Variants in PPM1A observed in about 807,000 individuals in gnomAD.
PPM1A encodes protein phosphatase, Mg2+/Mn2+ dependent 1A.
PPM1A carries 7 observed loss-of-function variants against 35.0 expected under a neutral mutation model. The ratio of observed to expected loss-of-function variants is 0.20; its 90% CI spans 0.11 to 0.38. The LOEUF is 0.38. Among genes scored for constraint, PPM1A ranks in the 10% least tolerant of loss-of-function variants. The pLI is 1.00. For synonymous variants in PPM1A, 153 were observed against 167.3 expected (o/e 0.91, Z 0.66); for missense variants, 239 against 467.8 (o/e 0.51, Z 4.51).
At chr14:60,262,991 C>T (rs1014735157) in intron 1 of PPM1A, among the ~76,000 whole-genome samples, 4 of 152,108 alleles carry the variant, frequency 2.6e-5, no homozygotes, top group Non-Finnish European at 5.9e-5. Flanking sequence ...CTTTGGGAGG[C>T]TTAGGTGGGC....
Position 60,283,562 on chromosome 14 carries a change from T to G in PPM1A, c.834+25T>G. On this transcript the variant is annotated intron_variant, in intron 2 of 5. Coordinates refer to ENST00000395076, the MANE Select transcript of PPM1A (RefSeq NM_021003.5). This position sits in a 1 kb window ranked among gnomAD's most constrained non-coding sequence, Gnocchi z 6.3. Reference sequence around the variant, plus strand: ...GGTAGCTAGACTTTTTTTAAAAACATAAAATGATTTTATGCCATATTAATC... The same window carrying G: ...GGTAGCTAGACTTTTTTTAAAAACAGAAAATGATTTTATGCCATATTAATC... 1 of 1,573,168 alleles carries G rather than the reference T, an allele frequency of 6.4e-7. No individual in the cohort carries two copies. Among genetic ancestry groups the G allele is most frequent in the Non-Finnish European group, 8.6e-7 (1 of 1,164,900 alleles).
rs757431979 is a variant in PPM1A, at chr14:60,256,349, C to T, written c.-21+6672C>T. Among the ~76,000 whole-genome samples, 8 of 152,280 alleles carry T rather than the reference C, an allele frequency of 5.3e-5. No homozygotes were observed. The South Asian group carries it at 8.3e-4, about 16-fold the overall frequency. The stretch of plus-strand genomic sequence containing the variant: ...CCCAGGAGGCTGAGCAGGGGAATTG[C>T]TTGAACCCGGGAGGCACAGGTTGCA... On this transcript the variant is annotated intron_variant, in intron 1 of 5. Coordinates refer to ENST00000395076, the MANE Select transcript of PPM1A (RefSeq NM_021003.5).
intron 3 of PPM1A, chr14:60,288,336 A>T: frequency 1.0e-5 from 10 of 969,478 alleles, no homozygotes; most frequent in Non-Finnish European, 1.2e-5. Flanking sequence ...ATTTATCATC[A>T]GTGTTTATTT....
chr14:60,268,610 G>A (rs185538678), intron 1 of PPM1A, among the ~76,000 whole-genome samples: 2 of 150,770 alleles, frequency 1.3e-5, no homozygotes, highest in East Asian at 3.9e-4. Flanking sequence ...TTTTTAGGTT[G>A]AATATTTAGT....
In PPM1A at chr14:60,267,829, C is replaced by CAT. The variant is rs546174330; in HGVS notation, c.-20-14850_-20-14849dup. 2.0e-3 allele frequency among the ~76,000 whole-genome samples: 297 copies of CAT among 152,128 alleles called. 1 individual carries two copies. The highest frequency in any genetic ancestry group is 6.6e-3 in the African/African-American group (276 of 41,518). On this transcript the variant is annotated intron_variant, in intron 1 of 5. Coordinates refer to ENST00000395076, the MANE Select transcript of PPM1A (RefSeq NM_021003.5). ...ACAGACTTTTTTCCCTGTGTATGTG[C>CAT]ATATATGTATTCATATTCTCTTGGC...
rs1164314504 is a variant in PPM1A, at chr14:60,293,439, A to G, written c.*957A>G. 1 of 152,044 alleles carries G rather than the reference A, an allele frequency of 6.6e-6. No individual in the cohort carries two copies. Among genetic ancestry groups the G allele is most frequent in the Admixed American group, 6.6e-5 (1 of 15,226 alleles). 9.4% of individuals were successfully genotyped at this position (152,044 alleles called of 1,614,324 possible). A position where few individuals can be genotyped will look rare whatever the true frequency, so the allele number is the denominator to read the frequency against. On this transcript the variant is annotated 3_prime_UTR_variant, in exon 6 of 6. Transcript: ENST00000395076. This position sits in a 1 kb window ranked among gnomAD's most constrained non-coding sequence, Gnocchi z 4.0. ...GTAATGAGACGTTTCTCATAGGGAA[A>G]GATGTTAGTCTCTTTTAATTGGACA...
In PPM1A at chr14:60,284,651, A is replaced by AT. The variant is rs1471887129; in HGVS notation, c.835-973_835-972insT. On this transcript the variant is annotated intron_variant, in intron 2 of 5. Transcript: ENST00000395076. The stretch of plus-strand genomic sequence containing the variant: ...AGCGAGACTCCGTCTCAAAAAAAAA[A>AT]AAAAAGACTGTTGAGGAATTAATGA... Among the ~76,000 whole-genome samples the AT allele has an allele frequency of 2.7e-5, 4 of 150,168 alleles. No individual in the cohort carries two copies. The East Asian group carries it at 5.8e-4, about 22-fold the overall frequency.
chr14:60,255,967 T>A (rs1018385884), intron 1 of PPM1A, among the ~76,000 whole-genome samples: 8 of 152,238 alleles, frequency 5.3e-5, no homozygotes, highest in Non-Finnish European at 1.2e-4. Context: ...AGAGGAATTG[T>A]GGAATCACAG....
At position 60,298,016 on chromosome 14, in the gene PPM1A, A is replaced by G. The variant is rs902957849; in HGVS notation, c.*5534A>G. The G allele has an allele frequency of 9.9e-5, 15 of 151,628 alleles. No homozygotes were observed. Among genetic ancestry groups the G allele is most frequent in the African/African-American group, 3.4e-4 (14 of 41,368 alleles). 9.4% of individuals were successfully genotyped at this position (151,628 alleles called of 1,614,324 possible). On this transcript the variant is annotated 3_prime_UTR_variant, in exon 6 of 6. Coordinates refer to ENST00000395076, the MANE Select transcript of PPM1A (RefSeq NM_021003.5). Reference sequence around the variant, plus strand: ...ATTTTAAGGAATTGTTTCACTCTAGAGGTAGATAGGGGACCTGGCTAGAAT... The same window carrying G: ...ATTTTAAGGAATTGTTTCACTCTAGGGGTAGATAGGGGACCTGGCTAGAAT...
chr14:60,284,982 C>T (rs1886837783), intron 2 of PPM1A, among the ~76,000 whole-genome samples: 1 of 151,604 alleles, frequency 6.6e-6, no homozygotes, highest in South Asian at 2.1e-4. Flanking sequence ...ATATTTGATA[C>T]TCAAATATTT....
Position 60,289,813 on chromosome 14 carries a change from A to C in PPM1A, c.960A>C (p.Ile320=). The C allele has an allele frequency of 6.2e-7, 1 of 1,608,462 alleles. No individual in the cohort carries two copies. Among genetic ancestry groups the C allele is most frequent in the South Asian group, 1.1e-5 (1 of 90,378 alleles). ...KYLECRVEEI[I]KKQGEGVPDL... is the part of the protein sequence containing the mutation. ...AGTACTTCTGATTCCCAGAAATCAT[A>C]AAGAAGCAGGGGGAAGGCGTCCCCG... The change falls in exon 4 of 6, where the codon ATA becomes ATC. Residue 320 remains isoleucine, a synonymous_variant. Transcript: ENST00000395076. This position sits in a 1 kb window ranked among gnomAD's most constrained non-coding sequence, Gnocchi z 4.1.
Position 60,281,960 on chromosome 14 carries a change from G to A in PPM1A, c.-20-724G>A, listed in dbSNP as rs116059822. ...CACTTCGTTATGTATATATATAATT[G>A]CTTGCAACTTGAAATTTGAGGCTAC... On this transcript the variant is annotated intron_variant, in intron 1 of 5. Coordinates refer to ENST00000395076, the MANE Select transcript of PPM1A (RefSeq NM_021003.5). Among the ~76,000 whole-genome samples, 1,267 of 152,118 alleles carry A rather than the reference G, an allele frequency of 8.3e-3. 17 individuals carry two copies. Among genetic ancestry groups the A allele is most frequent in the African/African-American group, 0.028 (1,182 of 41,488 alleles).
intron 1 of PPM1A, among the ~76,000 whole-genome samples, chr14:60,257,675 A>G (rs766394379): frequency 3.0e-4 from 46 of 152,350 alleles, no homozygotes; most frequent in African/African-American, 8.7e-4. Flanking sequence ...TTGGATTCTT[A>G]GTACTACCTT....
At position 60,295,408 on chromosome 14, in the gene PPM1A, C is replaced by T. The variant is rs145457621; in HGVS notation, c.*2926C>T. ...TGGAAGTATCTCAAACATATTTTTA[C>T]TTTATAGTGCATTAACTTGCTTCTA... On this transcript the variant is annotated 3_prime_UTR_variant, in exon 6 of 6. Coordinates refer to ENST00000395076, the MANE Select transcript of PPM1A (RefSeq NM_021003.5). 2 of 151,656 alleles carry T rather than the reference C, an allele frequency of 1.3e-5. No individual in the cohort carries two copies. The highest frequency in any genetic ancestry group is 4.8e-5 in the African/African-American group (2 of 41,356). 9.4% of individuals were successfully genotyped at this position (151,656 alleles called of 1,614,324 possible).
At chr14:60,285,393 C>G (rs1190658156) in intron 2 of PPM1A, among the ~76,000 whole-genome samples, 1 of 152,152 alleles carries the variant, frequency 6.6e-6, no homozygotes, top group Non-Finnish European at 1.5e-5. Flanking sequence ...TAATGTTTCT[C>G]TCCTGTCTTT....
intron 1 of PPM1A, among the ~76,000 whole-genome samples, chr14:60,259,517 C>T (rs75344758): frequency 0.021 from 3,119 of 151,914 alleles, 111 homozygotes; most frequent in African/African-American, 0.071. Flanking sequence ...AAATATGCGG[C>T]GATTTATAAG....
rs1175355599 is a variant in PPM1A at position 60,249,402 on chromosome 14, G to A, written c.-296G>A. ...TAGACAGCTGAGGCGCGAAAGCGAT[G>A]AGTCCTCGGCTCTTCCTCCTCCTTC... On this transcript the variant is annotated 5_prime_UTR_variant, in exon 1 of 6. The change abolishes an upstream ATG in the 5' untranslated region. Coordinates refer to ENST00000395076, the MANE Select transcript of PPM1A (RefSeq NM_021003.5). The surrounding 1 kb of genome is among the most constrained non-coding windows in gnomAD (Gnocchi z 4.5). 1 of 984,524 alleles carries A rather than the reference G, an allele frequency of 1.0e-6. No individual in the cohort carries two copies. The highest frequency in any genetic ancestry group is 1.2e-6 in the Non-Finnish European group (1 of 829,712). 61.0% of individuals were successfully genotyped at this position (984,524 alleles called of 1,614,324 possible). A position where few individuals can be genotyped will look rare whatever the true frequency, so the allele number is the denominator to read the frequency against.
rs1887632867 is a variant in PPM1A, at chr14:60,291,522, G to C, written c.1119+68G>C. Reference sequence around the variant, plus strand: ...CTCTAAATGCATATCCTTCCTACCTGTTTTTGCAGAGCTGTTCACTGTACC... The same window carrying C: ...CTCTAAATGCATATCCTTCCTACCTCTTTTTGCAGAGCTGTTCACTGTACC... On this transcript the variant is annotated intron_variant, in intron 5 of 5. Coordinates refer to ENST00000395076, the MANE Select transcript of PPM1A (RefSeq NM_021003.5). 27 of 1,313,726 alleles carry C rather than the reference G, an allele frequency of 2.1e-5. No individual in the cohort carries two copies. The South Asian group carries it at 2.8e-4, about 14-fold the overall frequency. The allele number at this position is 1,313,726 out of a possible 1,614,324, so 81.4% of individuals were successfully genotyped here. A position where few individuals can be genotyped will look rare whatever the true frequency, so the allele number is the denominator to read the frequency against.
chr14:60,284,779 C>T (rs1454685263), intron 2 of PPM1A, among the ~76,000 whole-genome samples: 2 of 149,984 alleles, frequency 1.3e-5, no homozygotes, highest in Non-Finnish European at 3.0e-5. Flanking sequence ...CCCTTTCCTA[C>T]AGATATTATA....
Sources: allele counts gnomAD v4.1 joint callset (sites outside exome capture counted in the v4.1 genomes callset), GRCh38; gene constraint gnomAD v4.1.1; non-coding constraint Gnocchi (gnomAD v3.1); transcripts MANE v1.5; gene names NCBI Gene and HGNC (gene_info 2026-07-23, HGNC 2026-07-21).